Variants in DGCR2 observed in about 807,000 individuals in gnomAD.
The protein encoded by DGCR2 is integral membrane protein DGCR2/IDD.
A neutral mutation model predicts 51.6 loss-of-function variants in DGCR2; 24 were observed. That is an observed-to-expected ratio of 0.47 (90% CI 0.34 to 0.65). The LOEUF is 0.65. Ranked by LOEUF, DGCR2 falls within the 30% of genes least tolerant of loss-of-function variation. The pLI, the probability that DGCR2 is intolerant of heterozygous loss-of-function variation, is 0.01. For synonymous variants in DGCR2, 340 were observed against 315.4 expected (o/e 1.08, Z -0.82); for missense variants, 765 against 772.1 (o/e 0.99, Z 0.11).
rs2146297327 is a variant in DGCR2 at position 19,038,736 on chromosome 22, A to G, written c.*129T>C. 2 of 1,306,496 alleles carry G rather than the reference A, an allele frequency of 1.5e-6. No individual in the cohort carries two copies. Among genetic ancestry groups the G allele is most frequent in the East Asian group, 4.7e-5 (2 of 42,596 alleles). 80.9% of individuals were successfully genotyped at this position (1,306,496 alleles called of 1,614,324 possible). A position where few individuals can be genotyped will look rare whatever the true frequency, so the allele number is the denominator to read the frequency against. On this transcript the variant is annotated 3_prime_UTR_variant, in exon 10 of 10. Coordinates refer to ENST00000263196, the MANE Select transcript of DGCR2 (RefSeq NM_005137.3). ...GCTGTGGTCTCTATGTACACACGCG[A>G]GCCCGCCAGTGACGTGCGGCAGTGC...
At chr22:19,121,852 G>A (rs759192898) in intron 1 of DGCR2, 9 of 234,182 alleles carry the variant, frequency 3.8e-5, no homozygotes, top group Non-Finnish European at 5.7e-5. Context: ...GAGAGGGTGC[G>A]CCCGTGGCGT....
In DGCR2 at chr22:19,068,188, C is replaced by A; in HGVS notation, c.240G>T (p.Glu80Asp). Residue 80 changes from glutamate (E) to aspartate (D), a missense_variant, in exon 3 of 10, where the codon GAG becomes GAT. Transcript: ENST00000263196. ...CCCGCCCCTGCCGCGGATCCACAGC[C>A]TCCTTCCCATGATGAGGACGCACCT... ...TGEVRPHHGK[E>D]AVDPRQGRAR... 5 of 1,611,114 alleles carry A rather than the reference C, an allele frequency of 3.1e-6. No individual in the cohort carries two copies. The highest frequency in any genetic ancestry group is 4.2e-6 in the Non-Finnish European group (5 of 1,178,884).
chr22:19,052,237 T>A (rs2082555643), intron 6 of DGCR2, among the ~76,000 whole-genome samples: 1 of 151,904 alleles, frequency 6.6e-6, no homozygotes, highest in South Asian at 2.1e-4. Context: ...GTCAACATGG[T>A]GAAACCCATC....
chr22:19,043,404 G>C (rs1203092421), intron 7 of DGCR2, among the ~76,000 whole-genome samples: 9 of 151,938 alleles, frequency 5.9e-5, no homozygotes. Context: ...AGGCAGAGAT[G>C]ACATGAGTGG....
intron 1 of DGCR2, among the ~76,000 whole-genome samples, chr22:19,115,582 T>C (rs1271718903): frequency 6.6e-6 from 1 of 152,258 alleles, no homozygotes; most frequent in Non-Finnish European, 1.5e-5. Context: ...TGTTGCTCTT[T>C]ATGTCAAAAT....
intron 1 of DGCR2, among the ~76,000 whole-genome samples, chr22:19,096,871 G>A (rs1443869638): frequency 7.1e-6 from 1 of 141,060 alleles, no homozygotes. Flanking sequence ...TTTTAACAGT[G>A]TCCATTCTAT....
intron 1 of DGCR2, among the ~76,000 whole-genome samples, chr22:19,095,292 G>A (rs1050308853): frequency 6.6e-6 from 1 of 152,072 alleles, no homozygotes; most frequent in Non-Finnish European, 1.5e-5. Context: ...AACTTGGGAG[G>A]CAGAGGTTGC....
rs1183042954 is a variant in DGCR2 at position 19,063,201 on chromosome 22, C to T, written c.625+1G>A. 6.2e-7 allele frequency: 1 copy of T among 1,614,082 alleles called. No homozygotes were observed. On this transcript the variant is annotated splice_donor_variant, in intron 5 of 9. Transcript: ENST00000263196. LOFTEE classifies it high-confidence loss of function. The stretch of plus-strand genomic sequence containing the variant: ...CACTCCCACACACCAGAAGGGCTCA[C>T]CTTTGAATGCCACCTCCCAGCGACC...
chr22:19,066,554 G>A (rs2082751976), intron 3 of DGCR2, among the ~76,000 whole-genome samples: 1 of 152,204 alleles, frequency 6.6e-6, no homozygotes, highest in South Asian at 2.1e-4. Flanking sequence ...CACATGCCCC[G>A]CAGGTGGCTC....
At chr22:19,078,459 T>C (rs551497090) in intron 2 of DGCR2, among the ~76,000 whole-genome samples, 2 of 152,348 alleles carry the variant, frequency 1.3e-5, no homozygotes, top group Admixed American at 1.3e-4. Flanking sequence ...GTTCTAACCA[T>C]GTTTCTGTGA....
intron 2 of DGCR2, among the ~76,000 whole-genome samples, chr22:19,088,459 T>C (rs1034852552): frequency 6.6e-6 from 1 of 152,148 alleles, no homozygotes; most frequent in Non-Finnish European, 1.5e-5. Flanking sequence ...AGCACACATC[T>C]ACAAGATTAT....
intron 3 of DGCR2, among the ~76,000 whole-genome samples, chr22:19,067,692 CTAAA>C (rs60372595): frequency 0.12 from 17,491 of 149,922 alleles, 1,033 homozygotes; most frequent in Middle Eastern, 0.21. Flanking sequence ...GACTCCGTCT[CTAAA>C]TAAATAAATA....
intron 2 of DGCR2, among the ~76,000 whole-genome samples, chr22:19,071,027 C>T (rs899939742): frequency 6.6e-6 from 1 of 152,250 alleles, no homozygotes; most frequent in Non-Finnish European, 1.5e-5. Context: ...GAGAATGTCC[C>T]TCTTCCCGCG....
chr22:19,102,868 C>T (rs1266347102), intron 1 of DGCR2, among the ~76,000 whole-genome samples: 8 of 151,830 alleles, frequency 5.3e-5, no homozygotes, highest in African/African-American at 1.5e-4. Flanking sequence ...TTGCCAGACA[C>T]GGTGGCATGC....
chr22:19,049,384 C>T lies in DGCR2; in HGVS notation c.803-741G>A, dbSNP rs531235223. ...ACGTTGCAAATGCCTGGAGGAGAGA[C>T]AAGGAATGAAGGAGCCTCCAAGAGA... On this transcript the variant is annotated intron_variant, in intron 6 of 9. Transcript: ENST00000263196. 2.0e-5 allele frequency among the ~76,000 whole-genome samples: 3 copies of T among 152,096 alleles called. No homozygotes were observed. The South Asian group carries it at 6.2e-4, about 32-fold the overall frequency.
chr22:19,084,358 T>C (rs571529575), intron 2 of DGCR2, among the ~76,000 whole-genome samples: 159 of 151,516 alleles, frequency 1.0e-3, no homozygotes, highest in African/African-American at 3.7e-3. Context: ...GAAGAGCACC[T>C]CTGCCCGGCC....
intron 2 of DGCR2, among the ~76,000 whole-genome samples, chr22:19,070,875 A>G (rs2082806712): frequency 6.6e-6 from 1 of 152,224 alleles, no homozygotes; most frequent in Non-Finnish European, 1.5e-5. Context: ...GGCCTTTGCC[A>G]GCAAGAAGGG....
At chr22:19,082,327 A>G (rs1211618793) in intron 2 of DGCR2, among the ~76,000 whole-genome samples, 1 of 149,740 alleles carries the variant, frequency 6.7e-6, no homozygotes, top group African/African-American at 2.5e-5. Flanking sequence ...TGGTCTCCCA[A>G]AGTGCTGGGA....
chr22:19,090,484 G>A (rs573510319), intron 1 of DGCR2, among the ~76,000 whole-genome samples: 1 of 152,182 alleles, frequency 6.6e-6, no homozygotes, highest in Admixed American at 6.5e-5. Flanking sequence ...TTTCTCATTA[G>A]AAACGATACA....
Sources: gnomAD v4.1 joint callset for allele counts (sites outside exome capture counted in the v4.1 genomes callset) on GRCh38, gnomAD v4.1.1 for gene constraint, MANE v1.5 for transcripts, NCBI Gene and HGNC (gene_info 2026-07-23, HGNC 2026-07-21) for gene names.